RANBP17: variants seen among roughly 807,000 people sequenced by gnomAD.
RANBP17 encodes RAN binding protein 17.
RANBP17 carries 158 observed loss-of-function variants against 141.2 expected under a neutral mutation model. That is an observed-to-expected ratio of 1.12 (90% confidence interval 0.98 to 1.28). RANBP17 has a LOEUF of 1.28. RANBP17 is among the 50% of genes most tolerant of loss of function. The pLI, the probability that RANBP17 is intolerant of heterozygous loss-of-function variation, is 0.00. For missense variants in RANBP17, 1,438 were observed against 1,290.7 expected (o/e 1.11, Z -1.75); for synonymous variants, 430 against 450.0 (o/e 0.96, Z 0.56).
chr5:171,061,801 T>A (rs1783884380), intron 14 of RANBP17, among the ~76,000 whole-genome samples: 1 of 152,174 alleles, frequency 6.6e-6, no homozygotes, highest in South Asian at 2.1e-4. Flanking sequence ...GGAGTCTAAG[T>A]CTCTTTGTAG....
chr5:171,086,448 G>A (rs1258828467), intron 14 of RANBP17, among the ~76,000 whole-genome samples: 1 of 147,800 alleles, frequency 6.8e-6, no homozygotes, highest in East Asian at 2.0e-4. Context: ...TCTCTGCCAG[G>A]CTTTGGTATC....
rs533185891 is a variant in RANBP17 at position 171,287,956 on chromosome 5, GTTATA to G, written c.2944-5922_2944-5918del. ...TTAGAACTTTATGGAATTTTTTTTAGTTATATTATTCAGTATGCTTAACATTAACA... is the reference window on the plus strand; with the variant it reads ...TTAGAACTTTATGGAATTTTTTTTAGTTATTCAGTATGCTTAACATTAACA... On this transcript the variant is annotated intron_variant, in intron 25 of 27. Coordinates refer to ENST00000523189, the MANE Select transcript of RANBP17 (RefSeq NM_022897.5). 1.7e-3 allele frequency among the ~76,000 whole-genome samples: 255 copies of G among 151,990 alleles called. 2 individuals carry two copies. The highest frequency in any genetic ancestry group is 5.9e-3 in the African/African-American group (245 of 41,446).
chr5:171,265,835 T>C lies in RANBP17; in HGVS notation c.2931T>C (p.Asp977=). The part of the protein sequence containing the change: ...RLLHFMQQNP[D]VLQQMMSVLM... The stretch of plus-strand genomic sequence containing the variant: ...TACATTTTATGCAGCAAAACCCAGA[T>C]GTCCTGCAGCAGGTAACTGGTGGTT... Residue 977 remains aspartate, a synonymous_variant, in exon 25 of 28, where the codon GAT becomes GAC. Transcript: ENST00000523189. 1.2e-6 allele frequency: 2 copies of C among 1,613,216 alleles called. No individual in the cohort carries two copies. Among genetic ancestry groups the C allele is most frequent in the Non-Finnish European group, 1.7e-6 (2 of 1,179,664 alleles).
At chr5:171,201,546 A>G (rs1289583798) in intron 19 of RANBP17, among the ~76,000 whole-genome samples, 1 of 152,222 alleles carries the variant, frequency 6.6e-6, no homozygotes, top group African/African-American at 2.4e-5. Context: ...GATGCTCTTT[A>G]TTGCTGATCG....
At chr5:170,968,778 T>C (rs1380082114) in intron 14 of RANBP17, 2 of 451,722 alleles carry the variant, frequency 4.4e-6, no homozygotes, top group Non-Finnish European at 8.9e-6. Flanking sequence ...TTGTACATGA[T>C]TAAATAATGA....
At chr5:170,891,912 A>G (rs1769649260) in intron 3 of RANBP17, among the ~76,000 whole-genome samples, 1 of 152,216 alleles carries the variant, frequency 6.6e-6, no homozygotes, top group South Asian at 2.1e-4. Context: ...CAAAAGTGAC[A>G]TATTCAACAA....
chr5:171,259,255 G>A (rs1561807873), intron 24 of RANBP17, among the ~76,000 whole-genome samples: 1 of 152,110 alleles, frequency 6.6e-6, no homozygotes, highest in East Asian at 1.9e-4. Flanking sequence ...AAGGAAACTC[G>A]TACACTGTTG....
At chr5:171,276,783 A>C (rs1767512371) in intron 25 of RANBP17, among the ~76,000 whole-genome samples, 1 of 152,196 alleles carries the variant, frequency 6.6e-6, no homozygotes, top group South Asian at 2.1e-4. Flanking sequence ...AATAATAATT[A>C]GGCATGCTTT....
chr5:171,033,688 CTAT>C, intron 14 of RANBP17, among the ~76,000 whole-genome samples: 1 of 151,934 alleles, frequency 6.6e-6, no homozygotes, highest in East Asian at 1.9e-4. Flanking sequence ...GGTAGTGGCA[CTAT>C]AATTAGAACT....
At chr5:171,069,938 A>G (rs1046795250) in intron 14 of RANBP17, among the ~76,000 whole-genome samples, 2 of 152,172 alleles carry the variant, frequency 1.3e-5, no homozygotes, top group African/African-American at 4.8e-5. Context: ...GGTCTGCCAA[A>G]CCTGCATCTG....
In RANBP17 at chr5:171,121,667, G is replaced by A. The variant is rs1756042706; in HGVS notation, c.1711-48463G>A. Among the ~76,000 whole-genome samples, 5 of 152,196 alleles carry A rather than the reference G, an allele frequency of 3.3e-5. No individual in the cohort carries two copies. In the South Asian group the frequency reaches 1.0e-3, roughly 31 times the overall value. On this transcript the variant is annotated intron_variant, in intron 14 of 27. Coordinates refer to ENST00000523189, the MANE Select transcript of RANBP17 (RefSeq NM_022897.5). ...TTCTGGGTAGAAGTGAGGACAGTGG[G>A]AGGTGGTTTTCCTACTGCGCAGGAC...
At chr5:171,224,711 CAT>C (rs1172226413) in intron 22 of RANBP17, among the ~76,000 whole-genome samples, 1 of 152,122 alleles carries the variant, frequency 6.6e-6, no homozygotes, top group African/African-American at 2.4e-5. Flanking sequence ...ACGTCCAGAG[CAT>C]TCTTGCAAAG....
chr5:170,980,352 G>C (rs1242777278), intron 14 of RANBP17, among the ~76,000 whole-genome samples: 1 of 152,224 alleles, frequency 6.6e-6, no homozygotes, highest in African/African-American at 2.4e-5. Context: ...GTAATGAGAA[G>C]CTGAATATTA....
intron 1 of RANBP17, among the ~76,000 whole-genome samples, chr5:170,864,460 G>A (rs1248826278): frequency 6.6e-6 from 1 of 152,158 alleles, no homozygotes; most frequent in African/African-American, 2.4e-5. Context: ...GGAGGGCAGA[G>A]GGATCAATAT....
At chr5:171,247,418 A>C (rs1446143650) in intron 24 of RANBP17, among the ~76,000 whole-genome samples, 2 of 152,218 alleles carry the variant, frequency 1.3e-5, no homozygotes, top group African/African-American at 4.8e-5. Context: ...CAACAATGAT[A>C]TATTTTAAAA....
intron 25 of RANBP17, among the ~76,000 whole-genome samples, chr5:171,272,177 C>T (rs1030856096): frequency 9.9e-5 from 15 of 152,060 alleles, no homozygotes; most frequent in African/African-American, 2.2e-4. Flanking sequence ...CAACAGATAC[C>T]GGGGCCTACT....
At chr5:171,152,344 G>A (rs148449379) in intron 14 of RANBP17, among the ~76,000 whole-genome samples, 4,485 of 151,538 alleles carry the variant, frequency 0.03, 89 homozygotes, top group Non-Finnish European at 0.044. Context: ...GCTTGAACCC[G>A]GGAGGCGGAG....
intron 25 of RANBP17, among the ~76,000 whole-genome samples, chr5:171,273,096 A>G (rs941903231): frequency 1.3e-5 from 2 of 152,234 alleles, no homozygotes; most frequent in African/African-American, 4.8e-5. Flanking sequence ...TGATTTTTCC[A>G]GGACAGAATC....
intron 14 of RANBP17, among the ~76,000 whole-genome samples, chr5:171,077,009 A>C (rs111277832): frequency 6.6e-6 from 1 of 152,110 alleles, no homozygotes; most frequent in Non-Finnish European, 1.5e-5. Flanking sequence ...ATCATTGGCA[A>C]TGTAGAGACA....
Sources: gnomAD v4.1 joint callset for allele counts (sites outside exome capture counted in the v4.1 genomes callset) on GRCh38, gnomAD v4.1.1 for gene constraint, MANE v1.5 for transcripts, NCBI Gene and HGNC (gene_info 2026-07-23, HGNC 2026-07-21) for gene names.